The following TUBGCP6 variants were observed in gnomAD, a reference collection of about 807,000 sequenced individuals.
TUBGCP6 encodes the protein tubulin gamma complex component 6.
TUBGCP6 carries 161 observed loss-of-function variants against 175.8 expected under a neutral mutation model. The observed-to-expected ratio is 0.92, with a 90% CI of 0.81 to 1.04. The LOEUF (loss-of-function observed/expected upper bound fraction) is 1.04, where lower values mean the gene tolerates loss of function less well. Ranked by LOEUF, TUBGCP6 falls within the 50% of genes least tolerant of loss-of-function variation. The pLI is 0.00. For missense variants in TUBGCP6, 2,572 were observed against 2,433.0 expected (o/e 1.06, Z -1.20); for synonymous variants, 1,173 against 1,030.5 (o/e 1.14, Z -2.65).
Position 50,244,301 on chromosome 22 carries a change from C to T in TUBGCP6, c.159G>A (p.Glu53=). The change falls in exon 1 of 25, where the codon GAG becomes GAA. Residue 53 remains glutamate, a synonymous_variant. Transcript: ENST00000248846. ...NALFTNLFQD[E]TQQLQPDMSK... is the part of the protein sequence containing the mutation. ...ACATGTCAGGCTGCAGCTGTTGAGTCTCATCTTGAAAAAGATTTGTGAAAA... is the reference window on the plus strand; with the variant it reads ...ACATGTCAGGCTGCAGCTGTTGAGTTTCATCTTGAAAAAGATTTGTGAAAA... 1 of 1,613,660 alleles carries T rather than the reference C, an allele frequency of 6.2e-7. No homozygotes were observed. The highest frequency in any genetic ancestry group is 1.1e-5 in the South Asian group (1 of 91,086).
At position 50,244,235 on chromosome 22, in the gene TUBGCP6, A is replaced by T. The variant is rs777670358; in HGVS notation, c.225T>A (p.Phe75Leu). The T allele has an allele frequency of 6.2e-7, 1 of 1,613,354 alleles. No individual in the cohort carries two copies. Among genetic ancestry groups the T allele is most frequent in the African/African-American group, 1.3e-5 (1 of 74,944 alleles). Reference protein sequence around the residue: ...PARNKILMLSFDLRVGGLGPK... With the variant: ...PARNKILMLSLDLRVGGLGPK... Reference sequence around the variant, plus strand: ...GGCCCAGGCCACCCACTCTCAAGTCAAAGGACAACATGAGGATCTTGTTTC... The same window carrying T: ...GGCCCAGGCCACCCACTCTCAAGTCTAAGGACAACATGAGGATCTTGTTTC... Residue 75 changes from phenylalanine (F) to leucine (L), a missense_variant, in exon 1 of 25, where the codon TTT (phenylalanine) becomes TTA (leucine). By Grantham distance (22) the Phe-to-Leu change is conservative. Transcript: ENST00000248846.
rs142063347 is a variant in TUBGCP6, at chr22:50,220,467, G to A, written c.3892C>T (p.Pro1298Ser). ...PNTPRPQQSPPGHTSQSALSL... is the reference protein window; with the variant it reads ...PNTPRPQQSPSGHTSQSALSL... ...AGCGCTGACTGGGACGTGTGGCCAG[G>A]GGGGCTCTGTTGGGGCCTGGGTGTG... Residue 1298 changes from proline to serine, a missense_variant, in exon 16 of 25, where the codon CCT becomes TCT. Physicochemically the swap from Pro to Ser is moderately conservative, Grantham distance 74. Transcript: ENST00000248846. 3.7e-6 allele frequency: 6 copies of A among 1,612,938 alleles called. No individual in the cohort carries two copies. The Admixed American group carries it at 8.3e-5, about 22-fold the overall frequency.
At position 50,226,947 on chromosome 22, in the gene TUBGCP6, C is replaced by T. The variant is rs376097141; in HGVS notation, c.1491+52G>A. 1,779 of 1,585,968 alleles carry T rather than the reference C, an allele frequency of 1.1e-3. 2 individuals are homozygous for T. The highest frequency in any genetic ancestry group is 1.5e-3 in the Non-Finnish European group (1,726 of 1,166,280). On this transcript the variant is annotated intron_variant, in intron 6 of 24. Transcript: ENST00000248846. ...CTCCAGGGACACGCTCAGCCACCCC[C>T]GTTTCCTGGAGCCCACCAGGCTGAC...
In TUBGCP6 at chr22:50,218,329, G is replaced by A. The variant is rs751648367; in HGVS notation, c.5028C>T (p.Phe1676=). ...LQLFKHEMQH[F]VKVIQGYIAN... is the part of the protein sequence containing the mutation. ...CGATGTAGCCCTGGATGACCTTCACGAAATGCTGCATCTCGTGCTTGAACA... is the reference window on the plus strand; with the variant it reads ...CGATGTAGCCCTGGATGACCTTCACAAAATGCTGCATCTCGTGCTTGAACA... Residue 1676 remains phenylalanine, a synonymous_variant, in exon 23 of 25, where the codon TTC becomes TTT. Transcript: ENST00000248846. 2.5e-6 allele frequency: 4 copies of A among 1,613,072 alleles called. No homozygotes were observed. Among genetic ancestry groups the A allele is most frequent in the Non-Finnish European group, 2.5e-6 (3 of 1,179,992 alleles).
chr22:50,238,155 G>GAC lies in TUBGCP6; in HGVS notation c.905+2048_905+2049insGT, dbSNP rs998638652. 1.1e-3 allele frequency among the ~76,000 whole-genome samples: 158 copies of GAC among 149,852 alleles called. 1 individual carries two copies. Among genetic ancestry groups the GAC allele is most frequent in the South Asian group, 5.7e-3 (27 of 4,706 alleles). ...AAAAGAAAAGAGAGAGAGAGAGAGAGAGACAGACAGACAGACTTATGAGGG... is the reference window on the plus strand; with the variant it reads ...AAAAGAAAAGAGAGAGAGAGAGAGAGACAGACAGACAGACAGACTTATGAGGG... On this transcript the variant is annotated intron_variant, in intron 2 of 24. Transcript: ENST00000248846.
In TUBGCP6 at chr22:50,219,638, A is replaced by G; in HGVS notation, c.4315+6T>C. On this transcript the variant is annotated splice_donor_region_variant and intron_variant, in intron 18 of 24. Coordinates refer to ENST00000248846, the MANE Select transcript of TUBGCP6 (RefSeq NM_020461.4). The stretch of plus-strand genomic sequence containing the variant: ...GCTCCCTGCCAACAGCAACTGCTGC[A>G]CTCACACATGGACTCGTAACTGTCC... 6.2e-7 allele frequency: 1 copy of G among 1,612,628 alleles called. No homozygotes were observed. The highest frequency in any genetic ancestry group is 8.5e-7 in the Non-Finnish European group (1 of 1,179,220).
At chr22:50,235,796 T>C (rs932277827) in intron 2 of TUBGCP6, among the ~76,000 whole-genome samples, 2 of 151,984 alleles carry the variant, frequency 1.3e-5, no homozygotes, top group Non-Finnish European at 1.5e-5. Context: ...AAAAATTAGC[T>C]GGGCGTGGTG....
chr22:50,238,988 C>A (rs2064809093), intron 2 of TUBGCP6, among the ~76,000 whole-genome samples: 1 of 152,166 alleles, frequency 6.6e-6, no homozygotes, highest in Non-Finnish European at 1.5e-5. Flanking sequence ...AAAGCTCGCC[C>A]ACCCGGGGGC....
At position 50,217,724 on chromosome 22, in the gene TUBGCP6, C is replaced by T. The variant is rs754995187; in HGVS notation, c.*12G>A. On this transcript the variant is annotated 3_prime_UTR_variant, in exon 25 of 25. Coordinates refer to ENST00000248846, the MANE Select transcript of TUBGCP6 (RefSeq NM_020461.4). ...GAACACCTTTATTGTGCACGTCCCC[C>T]GCAGAGCAGCCTCAGGCGTCCTGGT... The T allele has an allele frequency of 1.1e-5, 17 of 1,613,072 alleles. No individual in the cohort carries two copies. Among genetic ancestry groups the T allele is most frequent in the African/African-American group, 9.3e-5 (7 of 74,910 alleles).
chr22:50,221,448 G>A lies in TUBGCP6; in HGVS notation c.2911C>T (p.Gln971Ter). ...VATSPAPGPL[Q>*]AAECSLGSSG... ...CTGCCCAAGCTGCACTCTGCAGCCT[G>A]CAGGGGCCCTGGTGCAGGTGAGGTG... Residue 971 changes from glutamine to a stop codon, truncating the protein, a stop_gained, in exon 16 of 25, where the codon CAG (glutamine) becomes TAG (stop). Coordinates refer to ENST00000248846, the MANE Select transcript of TUBGCP6 (RefSeq NM_020461.4). LOFTEE classifies it high-confidence loss of function. 1 of 1,596,364 alleles carries A rather than the reference G, an allele frequency of 6.3e-7. No individual in the cohort carries two copies.
In TUBGCP6 at chr22:50,226,112, T is replaced by A. The variant is rs777024069; in HGVS notation, c.1771A>T (p.Ile591Phe). ...CCGCAGACGTATATGTCGTGGGCAA[T>A]GTGCTTCAGAAACACGGGAACACAG... ...EDCVPVFLKH[I>F]AHDIYVCGKT... The change falls in exon 9 of 25, where the codon ATT becomes TTT. Residue 591 changes from isoleucine to phenylalanine, a missense_variant. Physicochemically the swap from Ile to Phe is conservative, Grantham distance 21 (BLOSUM62 0). Coordinates refer to ENST00000248846, the MANE Select transcript of TUBGCP6 (RefSeq NM_020461.4). 2.4e-5 allele frequency: 39 copies of A among 1,614,046 alleles called. No homozygotes were observed. Among genetic ancestry groups the A allele is most frequent in the Non-Finnish European group, 3.2e-5 (38 of 1,180,032 alleles).
At position 50,226,762 on chromosome 22, in the gene TUBGCP6, C is replaced by G; in HGVS notation, c.1572G>C (p.Leu524=). Residue 524 remains leucine (L), a synonymous_variant, in exon 7 of 25, where the codon CTG becomes CTC. Coordinates refer to ENST00000248846, the MANE Select transcript of TUBGCP6 (RefSeq NM_020461.4). ...TGTAGGGCTCGCAGCTGGTCTTCAGCAGGGACAGCAGTACAGGGTAGTGCT... is the reference window on the plus strand; with the variant it reads ...TGTAGGGCTCGCAGCTGGTCTTCAGGAGGGACAGCAGTACAGGGTAGTGCT... ...SNEHYPVLLS[L]LKTSCEPYTR... The G allele has an allele frequency of 1.9e-6, 3 of 1,591,568 alleles. No individual in the cohort carries two copies. Among genetic ancestry groups the G allele is most frequent in the Non-Finnish European group, 2.6e-6 (3 of 1,170,018 alleles).
At chr22:50,220,128 G>C (rs1039111710) in intron 16 of TUBGCP6, 113 bp from the exon 17 acceptor site, 5 of 1,548,512 alleles carry the variant, frequency 3.2e-6, no homozygotes, top group East Asian at 2.4e-5. Flanking sequence ...CAGCAGCCCA[G>C]GTCCTGGCTG....
At chr22:50,239,304 G>A (rs1004912124) in intron 2 of TUBGCP6, among the ~76,000 whole-genome samples, 1 of 152,154 alleles carries the variant, frequency 6.6e-6, no homozygotes, top group Admixed American at 6.5e-5. Context: ...AACCTCCTGA[G>A]TAGCTGGGAT....
Position 50,227,950 on chromosome 22 carries a change from G to T in TUBGCP6, c.1369C>A (p.Leu457Ile). Residue 457 changes from leucine (L) to isoleucine (I), a missense_variant, in exon 5 of 25, where the codon CTC becomes ATC. Physicochemically the swap from Leu to Ile is conservative, Grantham distance 5. Transcript: ENST00000248846. The part of the protein sequence containing the change: ...VLSTPPTLSL[L>I]TIGFLFKKLG... Reference sequence around the variant, plus strand: ...TTCTTGAAGAGAAAACCAATGGTGAGGAGGCTCAGGGTGGGCGGAGTGGAA... The same window carrying T: ...TTCTTGAAGAGAAAACCAATGGTGATGAGGCTCAGGGTGGGCGGAGTGGAA... The T allele has an allele frequency of 6.4e-7, 1 of 1,573,144 alleles. No individual in the cohort carries two copies. The highest frequency in any genetic ancestry group is 8.6e-7 in the Non-Finnish European group (1 of 1,158,902).
chr22:50,217,722 C>T lies in TUBGCP6; in HGVS notation c.*14G>A. ...GAGAACACCTTTATTGTGCACGTCC[C>T]CCGCAGAGCAGCCTCAGGCGTCCTG... On this transcript the variant is annotated 3_prime_UTR_variant, in exon 25 of 25. Transcript: ENST00000248846. The T allele has an allele frequency of 2.5e-6, 4 of 1,612,888 alleles. No individual in the cohort carries two copies. The highest frequency in any genetic ancestry group is 3.4e-6 in the Non-Finnish European group (4 of 1,179,336).
rs12165978 is a variant in TUBGCP6, at chr22:50,217,789, G to A, written c.5407C>T (p.Leu1803=). 1 of 1,614,082 alleles carries A rather than the reference G, an allele frequency of 6.2e-7. No individual in the cohort carries two copies. The highest frequency in any genetic ancestry group is 2.2e-5 in the East Asian group (1 of 44,880). ...TTGATGCGCAGCAGAAAGTCCTCCA[G>A]GTGGGGCTGGTAGCCGCGGTTCACC... is the stretch of plus-strand genomic sequence containing the variant. ...KLVNRGYQPH[L]EDFLLRINFN... The change falls in exon 25 of 25, where the codon CTG becomes TTG. Residue 1803 remains leucine (L), a synonymous_variant. Transcript: ENST00000248846.
Position 50,217,734 on chromosome 22 carries a change from C to T in TUBGCP6, c.*2G>A. On this transcript the variant is annotated 3_prime_UTR_variant, in exon 25 of 25. Coordinates refer to ENST00000248846, the MANE Select transcript of TUBGCP6 (RefSeq NM_020461.4). ...ATTGTGCACGTCCCCCGCAGAGCAGCCTCAGGCGTCCTGGTAGTAGTTGTT... is the reference window on the plus strand; with the variant it reads ...ATTGTGCACGTCCCCCGCAGAGCAGTCTCAGGCGTCCTGGTAGTAGTTGTT... 1 of 1,613,880 alleles carries T rather than the reference C, an allele frequency of 6.2e-7. No individual in the cohort carries two copies. Among genetic ancestry groups the T allele is most frequent in the Admixed American group, 1.7e-5 (1 of 59,986 alleles).
chr22:50,219,396 A>ACGGGGAAGGCGAAGGCC lies in TUBGCP6; in HGVS notation c.4359_4375dup (p.Val1459GlyfsTer22). ...AGCGGCAGACTGGACCTGGGGGTCC[A>ACGGGGAAGGCGAAGGCC]CGGGGAAGGCGAAGGCCCGGGGAAG... On this transcript the variant is annotated frameshift_variant, in exon 19 of 25. Coordinates refer to ENST00000248846, the MANE Select transcript of TUBGCP6 (RefSeq NM_020461.4). LOFTEE classifies it high-confidence loss of function. The ACGGGGAAGGCGAAGGCC allele has an allele frequency of 6.4e-7, 1 of 1,574,616 alleles. No individual in the cohort carries two copies. The highest frequency in any genetic ancestry group is 8.6e-7 in the Non-Finnish European group (1 of 1,160,848).
Sources: gnomAD v4.1 joint callset for allele counts (sites outside exome capture counted in the v4.1 genomes callset) on GRCh38, gnomAD v4.1.1 for gene constraint, MANE v1.5 for transcripts, NCBI Gene and HGNC (gene_info 2026-07-23, HGNC 2026-07-21) for gene names.